The following CCDC171 variants were observed in gnomAD, a reference collection of about 807,000 sequenced individuals.
CCDC171 encodes coiled-coil domain containing 171, also known as coiled-coil domain-containing protein 171.
In CCDC171, 177 loss-of-function variants were observed where a neutral mutation model predicts 168.2. The observed-to-expected ratio is 1.05, with a 90% CI of 0.93 to 1.19. The LOEUF (loss-of-function observed/expected upper bound fraction) is 1.19, where lower values mean the gene tolerates loss of function less well. Among genes scored for constraint, CCDC171 ranks in the 50% most tolerant of loss-of-function variants. The pLI is 0.00. For synonymous variants in CCDC171, 687 were observed against 540.8 expected (o/e 1.27, Z -3.75); for missense variants, 1,991 against 1,539.0 (o/e 1.29, Z -4.91).
At chr9:15,614,243 G>A (rs1438680901) in intron 6 of CCDC171, among the ~76,000 whole-genome samples, 1 of 152,162 alleles carries the variant, frequency 6.6e-6, no homozygotes, top group African/African-American at 2.4e-5. Context: ...GGCTATATAT[G>A]TGCCTGGTTC....
intron 10 of CCDC171, among the ~76,000 whole-genome samples, chr9:15,687,897 G>A (rs1360656915): frequency 2.0e-5 from 3 of 152,086 alleles, no homozygotes; most frequent in Non-Finnish European, 4.4e-5. Context: ...AAGGTGGGCA[G>A]ATCATGAGGT....
At chr9:15,623,547 C>T (rs1407622023) in intron 7 of CCDC171, 134 bp downstream of exon 7, 2 of 495,116 alleles carry the variant, frequency 4.0e-6, no homozygotes, top group Admixed American at 4.2e-5. Flanking sequence ...GAGTTTTACT[C>T]TGTGATAATA....
chr9:15,638,717 C>G (rs972571713), intron 7 of CCDC171, among the ~76,000 whole-genome samples: 3 of 151,412 alleles, frequency 2.0e-5, no homozygotes, highest in Non-Finnish European at 4.4e-5. Flanking sequence ...AGCTTTATAT[C>G]ACTGTGTCTT....
Position 15,699,755 on chromosome 9 carries a change from C to G in CCDC171, c.1318+4418C>G, listed in dbSNP as rs560755011. On this transcript the variant is annotated intron_variant, in intron 11 of 25. Coordinates refer to ENST00000380701, the MANE Select transcript of CCDC171 (RefSeq NM_173550.4). Reference sequence around the variant, plus strand: ...TACAGAGTGCCGATTGGTGTATTTACAATCCCTGAGCTAGACATAAAGGTT... The same window carrying G: ...TACAGAGTGCCGATTGGTGTATTTAGAATCCCTGAGCTAGACATAAAGGTT... Among the ~76,000 whole-genome samples, 40 of 151,274 alleles carry G rather than the reference C, an allele frequency of 2.6e-4. No homozygotes were observed. The South Asian group carries it at 4.2e-3, about 16-fold the overall frequency.
At chr9:15,878,715 A>C (rs192593789) in intron 24 of CCDC171, among the ~76,000 whole-genome samples, 57 of 150,778 alleles carry the variant, frequency 3.8e-4, no homozygotes, top group African/African-American at 1.4e-3. Context: ...ATAGCAAAAC[A>C]TGGACTCAAC....
chr9:16,085,851 G>T, the CCDC171 span, among the ~76,000 whole-genome samples: 2 of 152,242 alleles, frequency 1.3e-5, no homozygotes, highest in African/African-American at 4.8e-5. Flanking sequence ...ATGAATGGGA[G>T]TGAGAAGGGG....
intron 24 of CCDC171, among the ~76,000 whole-genome samples, chr9:15,901,740 C>T (rs1020493494): frequency 1.2e-4 from 19 of 152,090 alleles, no homozygotes; most frequent in East Asian, 5.8e-4. Flanking sequence ...CTGTAAGGTA[C>T]GTTCAAGGAA....
chr9:16,085,577 G>C, the CCDC171 span, among the ~76,000 whole-genome samples: 5 of 152,188 alleles, frequency 3.3e-5, no homozygotes, highest in Non-Finnish European at 7.3e-5. Context: ...TCTTGTGCAA[G>C]GGCTCTTAGT....
chr9:15,655,424 C>G (rs556368744), intron 7 of CCDC171, among the ~76,000 whole-genome samples: 1 of 152,094 alleles, frequency 6.6e-6, no homozygotes, highest in Admixed American at 6.6e-5. Context: ...TGGTCATGAC[C>G]GATTCCCTTT....
intron 1 of CCDC171, among the ~76,000 whole-genome samples, chr9:16,060,191 G>C (rs998460003): frequency 6.6e-6 from 1 of 152,180 alleles, no homozygotes; most frequent in Non-Finnish European, 1.5e-5. Flanking sequence ...TGGCAATTCA[G>C]GTCCAGTTCA....
chr9:15,981,260 G>T (rs1831788456), intron 3 of CCDC171, among the ~76,000 whole-genome samples: 2 of 151,654 alleles, frequency 1.3e-5, no homozygotes, highest in South Asian at 4.1e-4. Flanking sequence ...GAGTCCTCTT[G>T]ATGGGATTAA....
chr9:16,103,265 C>T, the CCDC171 span, among the ~76,000 whole-genome samples: 11 of 152,304 alleles, frequency 7.2e-5, no homozygotes, highest in Admixed American at 7.2e-4. Flanking sequence ...CTCACAGTCA[C>T]CAGCTGTTTG....
intron 24 of CCDC171, among the ~76,000 whole-genome samples, chr9:15,894,432 A>C (rs1185157801): frequency 6.6e-6 from 1 of 152,068 alleles, no homozygotes; most frequent in Non-Finnish European, 1.5e-5. Context: ...TAAACTTAAA[A>C]GATAAAAAAA....
At chr9:15,765,973 G>C (rs2056700317) in intron 18 of CCDC171, among the ~76,000 whole-genome samples, 1 of 152,112 alleles carries the variant, frequency 6.6e-6, no homozygotes, top group African/African-American at 2.4e-5. Context: ...GGAAAATAAA[G>C]ACAGTACCTC....
At chr9:15,580,672 G>A (rs964968243) in intron 4 of CCDC171, among the ~76,000 whole-genome samples, 3 of 151,992 alleles carry the variant, frequency 2.0e-5, no homozygotes, top group Non-Finnish European at 2.9e-5. Context: ...AGTCAAAAGC[G>A]CAATGAGATA....
chr9:15,606,612 A>G (rs1030431669), intron 6 of CCDC171, among the ~76,000 whole-genome samples: 1 of 152,212 alleles, frequency 6.6e-6, no homozygotes, highest in African/African-American at 2.4e-5. Flanking sequence ...TAACTCTGAT[A>G]CTTTTCTAAC....
chr9:15,624,580 G>T (rs183279572), intron 7 of CCDC171, among the ~76,000 whole-genome samples: 88 of 152,062 alleles, frequency 5.8e-4, no homozygotes, highest in African/African-American at 2.0e-3. Flanking sequence ...TTCTGTCCTT[G>T]CAATAGTTTG....
chr9:15,886,970 G>A (rs1563940151), intron 24 of CCDC171, among the ~76,000 whole-genome samples: 1 of 152,018 alleles, frequency 6.6e-6, no homozygotes, highest in African/African-American at 2.4e-5. Context: ...AGGTGGTTGG[G>A]GGTGGTTGGG....
At chr9:16,009,959 T>A (rs1476619452) in intron 3 of CCDC171, among the ~76,000 whole-genome samples, 4 of 152,216 alleles carry the variant, frequency 2.6e-5, no homozygotes, top group African/African-American at 9.6e-5. Flanking sequence ...ATGTTCTTTT[T>A]ATTCCAAAAC....
Sources: allele counts gnomAD v4.1 joint callset (sites outside exome capture counted in the v4.1 genomes callset), GRCh38; gene constraint gnomAD v4.1.1; transcripts MANE v1.5; gene names NCBI Gene and HGNC (gene_info 2026-07-23, HGNC 2026-07-21).